The following SPATS2L variants were observed in gnomAD, a reference collection of about 807,000 sequenced individuals.
The protein encoded by SPATS2L is spermatogenesis associated serine rich 2 like, also known as SPATS2-like protein.
A neutral mutation model predicts 59.6 loss-of-function variants in SPATS2L; 30 were observed. The observed-to-expected ratio is 0.50, with a 90% confidence interval of 0.38 to 0.68. The LOEUF (loss-of-function observed/expected upper bound fraction) is 0.68, where lower values mean the gene tolerates loss of function less well. Ranked by LOEUF, SPATS2L falls within the 30% of genes least tolerant of loss-of-function variation. The pLI is 0.00. For missense variants in SPATS2L, 615 were observed against 700.0 expected (o/e 0.88, Z 1.37); for synonymous variants, 252 against 263.5 (o/e 0.96, Z 0.42).
At chr2:200,396,033 A>AAATATATATATATATAT (rs1553520464) in intron 3 of SPATS2L, among the ~76,000 whole-genome samples, 2 of 21,148 alleles carry the variant, frequency 9.5e-5, no homozygotes, top group African/African-American at 1.5e-4. Flanking sequence ...AAAAAAAAAA[A>AAATATATATATATATAT]ATATATATAT....
chr2:200,479,477 T>G lies in SPATS2L; in HGVS notation c.*1446T>G, dbSNP rs2087728890. 1 of 398,350 alleles carries G rather than the reference T, an allele frequency of 2.5e-6. No homozygotes were observed. The highest frequency in any genetic ancestry group is 4.4e-6 in the Non-Finnish European group (1 of 226,032). 24.7% of individuals were successfully genotyped at this position (398,350 alleles called of 1,614,324 possible). On this transcript the variant is annotated 3_prime_UTR_variant, in exon 13 of 13. Transcript: ENST00000409140. ...ATGGGATGAACTAATTTGCATAGAC[T>G]AATTAGAGCCCACCCCTGGAGCCTG...
chr2:200,354,853 G>T (rs2080860269), intron 2 of SPATS2L, among the ~76,000 whole-genome samples: 1 of 152,170 alleles, frequency 6.6e-6, no homozygotes, highest in Non-Finnish European at 1.5e-5. Flanking sequence ...AAATGGCCAT[G>T]AGTTTGTTAG....
intron 12 of SPATS2L, among the ~76,000 whole-genome samples, chr2:200,475,942 A>C (rs2087486945): frequency 1.3e-5 from 2 of 152,230 alleles, no homozygotes; most frequent in Admixed American, 1.3e-4. Context: ...CTGTAGATAG[A>C]CCTTGGGCAA....
chr2:200,356,422 G>A (rs142811805), intron 2 of SPATS2L, among the ~76,000 whole-genome samples: 113 of 152,136 alleles, frequency 7.4e-4, no homozygotes, highest in African/African-American at 2.6e-3. Flanking sequence ...TTTACATAAA[G>A]CCAGAAGTAA....
At chr2:200,457,221 C>CAT (rs1225086750) in intron 8 of SPATS2L, among the ~76,000 whole-genome samples, 1 of 41,126 alleles carries the variant, frequency 2.4e-5, no homozygotes, top group East Asian at 4.7e-4. Context: ...TGAAAACATA[C>CAT]ATACACACAC....
At chr2:200,386,512 G>A (rs991655719) in intron 2 of SPATS2L, among the ~76,000 whole-genome samples, 2 of 152,088 alleles carry the variant, frequency 1.3e-5, no homozygotes, top group South Asian at 2.1e-4. Flanking sequence ...TTGTCACCAC[G>A]TCTTCAGATC....
intron 6 of SPATS2L, among the ~76,000 whole-genome samples, chr2:200,431,065 TATAG>T (rs2083899750): frequency 6.6e-6 from 1 of 152,196 alleles, no homozygotes; most frequent in Non-Finnish European, 1.5e-5. Flanking sequence ...ATCTCTTGTA[TATAG>T]ATTTGTGTGA....
At chr2:200,346,068 C>T (rs926388163) in intron 2 of SPATS2L, among the ~76,000 whole-genome samples, 1 of 152,146 alleles carries the variant, frequency 6.6e-6, no homozygotes, top group African/African-American at 2.4e-5. Context: ...GGCAAGATGC[C>T]GTATATTTTT....
At chr2:200,462,045 C>T (rs2086274993) in intron 9 of SPATS2L, among the ~76,000 whole-genome samples, 1 of 152,196 alleles carries the variant, frequency 6.6e-6, no homozygotes, top group Non-Finnish European at 1.5e-5. Flanking sequence ...AATTTGTTGA[C>T]ATCTTCAGTA....
intron 6 of SPATS2L, among the ~76,000 whole-genome samples, chr2:200,436,321 G>A (rs1440816491): frequency 1.3e-5 from 2 of 152,108 alleles, no homozygotes; most frequent in East Asian, 3.8e-4. Flanking sequence ...AAGTAACACT[G>A]ATACATTCAT....
intron 4 of SPATS2L, among the ~76,000 whole-genome samples, chr2:200,413,851 C>T (rs186561768): frequency 1.3e-5 from 2 of 152,306 alleles, no homozygotes; most frequent in East Asian, 1.9e-4. Context: ...TAACTTTTCT[C>T]ACTGTTTTTT....
At chr2:200,307,640 C>T (rs1055249422) in intron 1 of SPATS2L, among the ~76,000 whole-genome samples, 3 of 152,220 alleles carry the variant, frequency 2.0e-5, no homozygotes, top group Non-Finnish European at 2.9e-5. Context: ...AGGATGCGCT[C>T]GCGCTGGACG....
At position 200,472,899 on chromosome 2, in the gene SPATS2L, G is replaced by C; in HGVS notation, c.1128G>C (p.Ala376=). The C allele has an allele frequency of 6.2e-7, 1 of 1,613,782 alleles. No homozygotes were observed. The highest frequency in any genetic ancestry group is 8.5e-7 in the Non-Finnish European group (1 of 1,179,868). The change falls in exon 12 of 13, where the codon GCG becomes GCC. Residue 376 remains alanine, a synonymous_variant. Coordinates refer to ENST00000409140, the MANE Select transcript of SPATS2L (RefSeq NM_001100423.2). The part of the protein sequence containing the change: ...PCSSLLPLLN[A]HAATSGKQSN... ...GCTCCCTGCTGCCTCTGCTGAATGCGCACGCAGCAACCTCTGGGAAACAGA... is the reference window on the plus strand; with the variant it reads ...GCTCCCTGCTGCCTCTGCTGAATGCCCACGCAGCAACCTCTGGGAAACAGA...
intron 8 of SPATS2L, among the ~76,000 whole-genome samples, chr2:200,442,569 T>C (rs1464282166): frequency 6.6e-6 from 1 of 152,208 alleles, no homozygotes; most frequent in African/African-American, 2.4e-5. Flanking sequence ...TAGTGTGGCC[T>C]TTTAGAATAA....
chr2:200,447,281 T>C (rs1574589444), intron 8 of SPATS2L, among the ~76,000 whole-genome samples: 1 of 152,208 alleles, frequency 6.6e-6, no homozygotes, highest in South Asian at 2.1e-4. Flanking sequence ...TTCTGGCATA[T>C]CTGGCATATA....
chr2:200,309,080 C>A (rs1315089124), intron 1 of SPATS2L: 1 of 717,956 alleles, frequency 1.4e-6, no homozygotes, highest in South Asian at 1.5e-5. Context: ...TTTATGGACC[C>A]GTTTTGCCAT....
At chr2:200,447,864 T>C (rs2106137492) in intron 8 of SPATS2L, among the ~76,000 whole-genome samples, 1 of 152,350 alleles carries the variant, frequency 6.6e-6, no homozygotes, top group South Asian at 2.1e-4. Flanking sequence ...CCTGTTTAAT[T>C]ATCAGGAATG....
At chr2:200,370,598 T>C (rs909418410) in intron 2 of SPATS2L, among the ~76,000 whole-genome samples, 6 of 152,214 alleles carry the variant, frequency 3.9e-5, no homozygotes, top group Non-Finnish European at 7.3e-5. Flanking sequence ...ATAACTGACA[T>C]TTATTGAACT....
chr2:200,436,095 G>C (rs1323033437), intron 6 of SPATS2L, among the ~76,000 whole-genome samples: 1 of 152,122 alleles, frequency 6.6e-6, no homozygotes, highest in Non-Finnish European at 1.5e-5. Context: ...CTGGACACTG[G>C]AGGCTTATGT....
Sources: gnomAD v4.1 joint callset for allele counts (sites outside exome capture counted in the v4.1 genomes callset) on GRCh38, gnomAD v4.1.1 for gene constraint, MANE v1.5 for transcripts, NCBI Gene and HGNC (gene_info 2026-07-23, HGNC 2026-07-21) for gene names.